The following ELMO1 variants were observed in gnomAD, a reference collection of about 807,000 sequenced individuals.
ELMO1 encodes engulfment and cell motility 1, also known as engulfment and cell motility protein 1.
ELMO1 carries 26 observed loss-of-function variants against 98.9 expected under a neutral mutation model. That is an observed-to-expected ratio of 0.26 (90% CI 0.19 to 0.36). The LOEUF is 0.36. Among genes scored for constraint, ELMO1 ranks in the 10% least tolerant of loss-of-function variants. The probability of loss-of-function intolerance (pLI) is 1.00; values close to 1 mark genes in which losing one functional copy is unlikely to be tolerated. For synonymous variants in ELMO1, 346 were observed against 346.0 expected (o/e 1.00, Z 0.00); for missense variants, 627 against 935.2 (o/e 0.67, Z 4.30).
intron 1 of ELMO1, among the ~76,000 whole-genome samples, chr7:37,382,983 G>A (rs928850964): frequency 5.9e-5 from 9 of 152,180 alleles, no homozygotes; most frequent in Non-Finnish European, 7.4e-5. Context: ...TTATGAGTAA[G>A]TTGCAGATGT....
intron 16 of ELMO1, among the ~76,000 whole-genome samples, chr7:36,994,603 T>C (rs1037096218): frequency 6.6e-6 from 1 of 152,218 alleles, no homozygotes; most frequent in African/African-American, 2.4e-5. Context: ...TCATCCCCTG[T>C]TGTCTCCCAT....
intron 13 of ELMO1, among the ~76,000 whole-genome samples, chr7:37,202,842 A>G (rs1449842038): frequency 2.6e-5 from 4 of 152,104 alleles, no homozygotes; most frequent in African/African-American, 4.8e-5. Flanking sequence ...ATTGGTCCCA[A>G]TGGCTTAGGA....
At chr7:36,976,094 T>C (rs1032722049) in intron 16 of ELMO1, among the ~76,000 whole-genome samples, 2 of 152,176 alleles carry the variant, frequency 1.3e-5, no homozygotes, top group African/African-American at 4.8e-5. Context: ...TGTGCCACTG[T>C]AGTATGAAGG....
At position 36,853,877 on chromosome 7, in the gene ELMO1, C is replaced by T. The variant is rs566792927; in HGVS notation, c.*1674G>A. ...TGCAAATGACTTAAGAAACATCCTT[C>T]GCTGGGCTCTGACCTATAATTTATT... On this transcript the variant is annotated 3_prime_UTR_variant, in exon 22 of 22. Coordinates refer to ENST00000310758, the MANE Select transcript of ELMO1 (RefSeq NM_014800.11). 5.9e-5 allele frequency among the ~76,000 whole-genome samples: 9 copies of T among 152,310 alleles called. No individual in the cohort carries two copies. The South Asian group carries it at 8.3e-4, about 14-fold the overall frequency.
At chr7:37,130,218 C>T (rs1017506479) in intron 14 of ELMO1, among the ~76,000 whole-genome samples, 8 of 152,164 alleles carry the variant, frequency 5.3e-5, no homozygotes, top group African/African-American at 1.9e-4. Context: ...ACCACCACCA[C>T]CTCTACTTTT....
intron 14 of ELMO1, among the ~76,000 whole-genome samples, chr7:37,108,165 A>G (rs1785044213): frequency 6.6e-6 from 1 of 152,212 alleles, no homozygotes; most frequent in Non-Finnish European, 1.5e-5. Context: ...TATTACATCT[A>G]GCTTTTTAAA....
chr7:36,974,812 G>A (rs926280805), intron 16 of ELMO1, among the ~76,000 whole-genome samples: 11 of 152,136 alleles, frequency 7.2e-5, no homozygotes, highest in Non-Finnish European at 1.5e-4. Flanking sequence ...CACTCACCGC[G>A]AAGGTCTGCA....
chr7:37,273,859 T>C (rs1168096592), intron 4 of ELMO1, among the ~76,000 whole-genome samples: 1 of 152,240 alleles, frequency 6.6e-6, no homozygotes, highest in African/African-American at 2.4e-5. Context: ...TAAGATTGCT[T>C]GCTTCCTCAG....
In ELMO1 at chr7:36,870,495, A is replaced by G. The variant is rs755824766; in HGVS notation, c.1823-20T>C. 2 of 1,612,582 alleles carry G rather than the reference A, an allele frequency of 1.2e-6. No homozygotes were observed. The highest frequency in any genetic ancestry group is 1.7e-6 in the Non-Finnish European group (2 of 1,179,338). ...CCGGCACTGCAATTCATAAAAGAAA[A>G]TGCAAGTAACTACACCATGTGAAAA... On this transcript the variant is annotated intron_variant, in intron 19 of 21. Transcript: ENST00000310758. The surrounding 1 kb of genome is among the most constrained non-coding windows in gnomAD (Gnocchi z 4.4).
intron 16 of ELMO1, among the ~76,000 whole-genome samples, chr7:36,992,404 T>C (rs937113389): frequency 3.9e-5 from 6 of 152,200 alleles, no homozygotes; most frequent in Admixed American, 1.3e-4. Context: ...TTCAAAGGGA[T>C]AGTTGGTGAA....
intron 15 of ELMO1, among the ~76,000 whole-genome samples, chr7:37,020,557 G>A (rs533348582): frequency 4.6e-5 from 7 of 151,982 alleles, no homozygotes; most frequent in South Asian, 2.1e-4. Context: ...ATAAGACGAC[G>A]GGAAAATGCA....
At chr7:37,100,554 ACACTCTCTCTTC>A (rs1346307283) in intron 14 of ELMO1, among the ~76,000 whole-genome samples, 2 of 152,336 alleles carry the variant, frequency 1.3e-5, no homozygotes, top group East Asian at 1.9e-4. Context: ...TGTCTCTGAC[ACACTCTCTCTTC>A]CACTCTCTGT....
At chr7:37,095,172 C>T (rs1384387018) in intron 15 of ELMO1, among the ~76,000 whole-genome samples, 1 of 152,184 alleles carries the variant, frequency 6.6e-6, no homozygotes, top group African/African-American at 2.4e-5. Flanking sequence ...TAGAACACCA[C>T]TACTCACTCC....
intron 15 of ELMO1, among the ~76,000 whole-genome samples, chr7:37,069,597 T>C (rs1316108922): frequency 1.3e-5 from 2 of 152,186 alleles, no homozygotes; most frequent in Non-Finnish European, 2.9e-5. Context: ...TTCTAAAGTC[T>C]CACATCTCAT....
Position 37,178,063 on chromosome 7 carries a change from G to A in ELMO1, c.1086+33323C>T, listed in dbSNP as rs149145311. 2.9e-3 allele frequency among the ~76,000 whole-genome samples: 446 copies of A among 152,104 alleles called. 3 individuals carry two copies. Among genetic ancestry groups the A allele is most frequent in the African/African-American group, 0.01 (420 of 41,478 alleles). ...CAGATAGCTGGTGAAGCATTATCTC[G>A]GTGTGTCTGTGAGTGTGTTTCTGGG... On this transcript the variant is annotated intron_variant, in intron 13 of 21. Coordinates refer to ENST00000310758, the MANE Select transcript of ELMO1 (RefSeq NM_014800.11).
At chr7:37,363,948 C>A (rs1300130989) in intron 1 of ELMO1, among the ~76,000 whole-genome samples, 1 of 152,104 alleles carries the variant, frequency 6.6e-6, no homozygotes, top group African/African-American at 2.4e-5. Context: ...GGACTCTAAC[C>A]CCCCACAGGC....
intron 13 of ELMO1, among the ~76,000 whole-genome samples, chr7:37,135,509 A>G (rs1183612312): frequency 6.6e-6 from 1 of 152,210 alleles, no homozygotes; most frequent in African/African-American, 2.4e-5. Context: ...AAGCAGGTGC[A>G]GGTATCAATG....
At chr7:37,141,049 A>G (rs1005886143) in intron 13 of ELMO1, among the ~76,000 whole-genome samples, 2 of 152,240 alleles carry the variant, frequency 1.3e-5, no homozygotes, top group Admixed American at 6.5e-5. Context: ...CCAGAGGAAA[A>G]GAAGTCATTA....
intron 1 of ELMO1, among the ~76,000 whole-genome samples, chr7:37,370,424 A>T (rs1802071232): frequency 6.6e-6 from 1 of 152,158 alleles, no homozygotes; most frequent in Non-Finnish European, 1.5e-5. Flanking sequence ...TGAACTTGTT[A>T]CGTTTTTCTC....
Sources: gnomAD v4.1 joint callset for allele counts (sites outside exome capture counted in the v4.1 genomes callset) on GRCh38, gnomAD v4.1.1 for gene constraint, Gnocchi (gnomAD v3.1) non-coding constraint, MANE v1.5 for transcripts, NCBI Gene and HGNC (gene_info 2026-07-23, HGNC 2026-07-21) for gene names.